FNIP1: variants seen among roughly 807,000 people sequenced by gnomAD.
FNIP1 encodes the protein folliculin interacting protein 1, also known as folliculin-interacting protein 1.
Under a neutral mutation model 124.5 loss-of-function variants are expected in FNIP1, and 40 were observed. The observed-to-expected ratio is 0.32, with a 90% confidence interval of 0.25 to 0.42. The LOEUF (loss-of-function observed/expected upper bound fraction) is 0.42, where lower values mean the gene tolerates loss of function less well. Among genes scored for constraint, FNIP1 ranks in the 10% least tolerant of loss-of-function variants. The pLI, the probability that FNIP1 is intolerant of heterozygous loss-of-function variation, is 1.00. For missense variants in FNIP1, 1,176 were observed against 1,403.7 expected, an observed-to-expected ratio of 0.84 and a Z score of 2.59; for synonymous variants, 472 against 470.6, an observed-to-expected ratio of 1.00 and a Z score of -0.04.
intron 1 of FNIP1, among the ~76,000 whole-genome samples, chr5:131,756,170 G>A (rs1405844419): frequency 6.6e-6 from 1 of 152,088 alleles, no homozygotes; most frequent in African/African-American, 2.4e-5. Context: ...GAGGCAGTGG[G>A]GAAGGAATAA....
At chr5:131,784,223 T>A (rs1772088466) in intron 1 of FNIP1, among the ~76,000 whole-genome samples, 1 of 152,148 alleles carries the variant, frequency 6.6e-6, no homozygotes, top group African/African-American at 2.4e-5. Flanking sequence ...GATAAATTGC[T>A]TTTAGAGGTT....
intron 1 of FNIP1, among the ~76,000 whole-genome samples, chr5:131,747,846 A>G (rs1369305959): frequency 1.3e-5 from 2 of 152,182 alleles, no homozygotes; most frequent in Non-Finnish European, 2.9e-5. Context: ...ACATGTTTAC[A>G]TATATGCTGA....
chr5:131,716,435 C>T lies in FNIP1; in HGVS notation c.622+130G>A, dbSNP rs145123117. Reference sequence around the variant, plus strand: ...GTTATACATACTGGCAATTTAAATGCCTCTTCCACTTACAGTATTTGAAAT... The same window carrying T: ...GTTATACATACTGGCAATTTAAATGTCTCTTCCACTTACAGTATTTGAAAT... On this transcript the variant is annotated intron_variant, in intron 6 of 17. Transcript: ENST00000510461. 4.0e-3 allele frequency: 2,132 copies of T among 535,298 alleles called. 5 individuals carry two copies. The highest frequency in any genetic ancestry group is 5.8e-3 in the Non-Finnish European group (1,775 of 308,452). The allele number at this position is 535,298 out of a possible 1,614,324, so 33.2% of individuals were successfully genotyped here. A position where few individuals can be genotyped will look rare whatever the true frequency, so the allele number is the denominator to read the frequency against.
intron 5 of FNIP1, among the ~76,000 whole-genome samples, chr5:131,716,953 T>C (rs1226740358): frequency 3.9e-5 from 6 of 151,902 alleles, no homozygotes; most frequent in East Asian, 1.9e-4. Context: ...CTACAACCCA[T>C]TGTCTGGCTC....
chr5:131,782,909 C>T (rs375287189), intron 1 of FNIP1, among the ~76,000 whole-genome samples: 14 of 152,218 alleles, frequency 9.2e-5, no homozygotes, highest in African/African-American at 2.4e-4. Flanking sequence ...GTGATCCGTC[C>T]GCCTCGGCCT....
intron 11 of FNIP1, among the ~76,000 whole-genome samples, chr5:131,686,844 C>A (rs1768291345): frequency 6.6e-6 from 1 of 151,950 alleles, no homozygotes; most frequent in African/African-American, 2.4e-5. Flanking sequence ...CGATTACAGG[C>A]ATGCGCCACC....
intron 1 of FNIP1, among the ~76,000 whole-genome samples, chr5:131,749,101 A>G (rs1226569710): frequency 1.3e-5 from 2 of 152,242 alleles, no homozygotes; most frequent in African/African-American, 2.4e-5. Flanking sequence ...GTCCTAAACA[A>G]AGTGTTACTA....
intron 1 of FNIP1, among the ~76,000 whole-genome samples, chr5:131,774,848 T>C (rs1771749630): frequency 6.6e-6 from 1 of 152,086 alleles, no homozygotes; most frequent in Non-Finnish European, 1.5e-5. Flanking sequence ...GAGGAAGGAG[T>C]CTGCAAAGCT....
At chr5:131,647,915 A>T (rs1469560193) in intron 16 of FNIP1, among the ~76,000 whole-genome samples, 1 of 152,068 alleles carries the variant, frequency 6.6e-6, no homozygotes, top group Admixed American at 6.5e-5. Context: ...TTTATAAATT[A>T]ATACTTTTCA....
chr5:131,771,953 A>G (rs529749815), intron 1 of FNIP1, among the ~76,000 whole-genome samples: 75 of 152,268 alleles, frequency 4.9e-4, no homozygotes, highest in African/African-American at 1.8e-3. Context: ...CGGGAGTCCA[A>G]GAAATTACCA....
At chr5:131,773,135 G>A (rs1334257856) in intron 1 of FNIP1, among the ~76,000 whole-genome samples, 5 of 152,034 alleles carry the variant, frequency 3.3e-5, no homozygotes, top group African/African-American at 1.2e-4. Flanking sequence ...AAATTCCAAT[G>A]TATACTAAAT....
At chr5:131,712,316 A>G (rs2149537863) in intron 6 of FNIP1, among the ~76,000 whole-genome samples, 1 of 152,288 alleles carries the variant, frequency 6.6e-6, no homozygotes, top group Admixed American at 6.5e-5. Flanking sequence ...TTATTCTGTC[A>G]ACACTTAAAC....
chr5:131,645,514 T>C (rs563843221), intron 17 of FNIP1, among the ~76,000 whole-genome samples: 2 of 152,024 alleles, frequency 1.3e-5, no homozygotes, highest in Non-Finnish European at 2.9e-5. Flanking sequence ...TAAAATCAGA[T>C]ACCATTTTTT....
intron 1 of FNIP1, among the ~76,000 whole-genome samples, chr5:131,762,873 A>G (rs1354343296): frequency 2.0e-5 from 3 of 152,206 alleles, no homozygotes; most frequent in Non-Finnish European, 2.9e-5. Flanking sequence ...ATATCCTGTC[A>G]TTTGCAACAA....
chr5:131,672,933 G>GA lies in FNIP1; in HGVS notation c.1520-10dup. 1 of 1,513,286 alleles carries GA rather than the reference G, an allele frequency of 6.6e-7. No individual in the cohort carries two copies. 93.7% of individuals were successfully genotyped at this position (1,513,286 alleles called of 1,614,324 possible). A position where few individuals can be genotyped will look rare whatever the true frequency, so the allele number is the denominator to read the frequency against. On this transcript the variant is annotated splice_polypyrimidine_tract_variant and intron_variant, in intron 13 of 17. Coordinates refer to ENST00000510461, the MANE Select transcript of FNIP1 (RefSeq NM_133372.3). ...AGCGCCATACAAGTCTCCTGTAATG[G>GA]AAAAAATCAGTTATTGGACATGTCC... is the stretch of plus-strand genomic sequence containing the variant.
At chr5:131,649,590 T>G (rs1486107226) in intron 16 of FNIP1, among the ~76,000 whole-genome samples, 1 of 152,230 alleles carries the variant, frequency 6.6e-6, no homozygotes, top group Non-Finnish European at 1.5e-5. Context: ...AAATATTTTC[T>G]ATTTTATAGG....
At chr5:131,693,203 C>T (rs1308536956) in intron 11 of FNIP1, among the ~76,000 whole-genome samples, 3 of 143,096 alleles carry the variant, frequency 2.1e-5, no homozygotes, top group African/African-American at 7.8e-5. Context: ...CACATGTGTA[C>T]ACATATCAAA....
chr5:131,684,226 C>T (rs1019968657), intron 11 of FNIP1, among the ~76,000 whole-genome samples: 1 of 152,188 alleles, frequency 6.6e-6, no homozygotes, highest in Admixed American at 6.5e-5. Context: ...AAGCATTAGA[C>T]CTTGCTTGAT....
At chr5:131,675,007 T>C (rs1262274186) in intron 13 of FNIP1, among the ~76,000 whole-genome samples, 3 of 152,256 alleles carry the variant, frequency 2.0e-5, no homozygotes, top group Non-Finnish European at 4.4e-5. Context: ...TGCTTTGGCA[T>C]GGCAAGTGAG....
Sources: gnomAD v4.1 joint callset for allele counts (sites outside exome capture counted in the v4.1 genomes callset) on GRCh38, gnomAD v4.1.1 for gene constraint, MANE v1.5 for transcripts, NCBI Gene and HGNC (gene_info 2026-07-23, HGNC 2026-07-21) for gene names.